FLNB: variants seen among roughly 807,000 people sequenced by gnomAD.
FLNB encodes the protein filamin B, also known as filamin-B.
Under a neutral mutation model 250.6 loss-of-function variants are expected in FLNB, and 111 were observed. The observed-to-expected ratio is 0.44, with a 90% CI of 0.38 to 0.52. The LOEUF (loss-of-function observed/expected upper bound fraction) is 0.52, where lower values mean the gene tolerates loss of function less well. FLNB is among the 20% of genes least tolerant of loss of function. The pLI, the probability that FLNB is intolerant of heterozygous loss-of-function variation, is 0.00. For synonymous variants in FLNB, 1,302 were observed against 1,372.1 expected (o/e 0.95, Z 1.13); for missense variants, 2,869 against 3,447.8 (o/e 0.83, Z 4.20).
rs2097352805 is a variant in FLNB, at chr3:58,156,015, C to T, written c.6828C>T (p.Tyr2276=). Residue 2276 remains tyrosine, a synonymous_variant, in exon 41 of 46, where the codon TAC becomes TAT. Coordinates refer to ENST00000295956, the MANE Select transcript of FLNB (RefSeq NM_001457.4). ...FNDEHIPESP[Y]LVPVIAPSDD... ...ATGAGCACATCCCGGAAAGCCCCTA[C>T]CTGGTGCCGGTCATCGCACCCTCCG... 1 of 1,614,164 alleles carries T rather than the reference C, an allele frequency of 6.2e-7. No homozygotes were observed. Among genetic ancestry groups the T allele is most frequent in the Non-Finnish European group, 8.5e-7 (1 of 1,180,016 alleles).
At chr3:58,121,696 C>G (rs1258294546) in intron 20 of FLNB, among the ~76,000 whole-genome samples, 193 bp downstream of exon 20, 1 of 152,188 alleles carries the variant, frequency 6.6e-6, no homozygotes, top group African/African-American at 2.4e-5. Context: ...GACTACAAGA[C>G]TTTGGTGAGG....
chr3:58,061,336 A>G (rs1462093197), intron 1 of FLNB, among the ~76,000 whole-genome samples: 1 of 152,164 alleles, frequency 6.6e-6, no homozygotes, highest in Non-Finnish European at 1.5e-5. Flanking sequence ...GTTAGTACCT[A>G]TAGATCCTGA....
chr3:58,112,210 G>A lies in FLNB; in HGVS notation c.2637G>A (p.Pro879=), dbSNP rs149334776. 48 of 1,613,922 alleles carry A rather than the reference G, an allele frequency of 3.0e-5. No homozygotes were observed. In the African/African-American group the frequency reaches 4.7e-4, roughly 16 times the overall value. ...TVYTKGAGKA[P]LNVQFNSPLP... ...ACACCAAGGGGGCTGGGAAAGCCCC[G>A]CTCAACGTGCAGTTCAACAGCCCTC... Residue 879 remains proline, a synonymous_variant, in exon 18 of 46, where the codon CCG becomes CCA. Transcript: ENST00000295956.
intron 35 of FLNB, 51 bp from the exon 36 acceptor site, chr3:58,148,598 T>C (rs1172471130): frequency 6.7e-7 from 1 of 1,498,674 alleles, no homozygotes; most frequent in East Asian, 2.3e-5. Context: ...GTCTCTCTCC[T>C]GCTTCCTCTC....
At chr3:58,017,245 T>C (rs1334540040) in intron 1 of FLNB, among the ~76,000 whole-genome samples, 2 of 152,140 alleles carry the variant, frequency 1.3e-5, no homozygotes, top group African/African-American at 4.8e-5. Flanking sequence ...TATTATTCTA[T>C]TCTATTTTTA....
intron 1 of FLNB, among the ~76,000 whole-genome samples, chr3:58,044,187 C>G (rs2097150178): frequency 6.6e-6 from 1 of 152,120 alleles, no homozygotes. Flanking sequence ...TAAGACAAAT[C>G]TGGGTGGGTG....
chr3:58,167,965 G>T (rs1232180407), intron 43 of FLNB, among the ~76,000 whole-genome samples: 1 of 152,230 alleles, frequency 6.6e-6, no homozygotes, highest in Non-Finnish European at 1.5e-5. Context: ...GCAGCACAGT[G>T]CCTGGGGTGA....
chr3:58,153,652 C>G lies in FLNB; in HGVS notation c.6634+11C>G, dbSNP rs374708033. ...AAGCGGGAGTCCCAGGTGAGCATTG[C>G]GGGCAGGATTTTCACTTGGGAAGAA... On this transcript the variant is annotated intron_variant, in intron 39 of 45. Transcript: ENST00000295956. 87 of 1,613,700 alleles carry G rather than the reference C, an allele frequency of 5.4e-5. No homozygotes were observed. The African/African-American group carries it at 1.0e-3, about 19-fold the overall frequency.
At chr3:58,039,152 T>C (rs1576620023) in intron 1 of FLNB, among the ~76,000 whole-genome samples, 1 of 145,700 alleles carries the variant, frequency 6.9e-6, no homozygotes, top group Non-Finnish European at 1.5e-5. Flanking sequence ...GTGCCAGGAG[T>C]TCAACACCAG....
intron 1 of FLNB, among the ~76,000 whole-genome samples, chr3:58,064,918 T>A (rs1479929546): frequency 4.6e-5 from 7 of 152,062 alleles, no homozygotes; most frequent in Admixed American, 4.6e-4. Context: ...CAGGTGTCTG[T>A]AGTCCCAGCT....
At chr3:58,150,940 A>C (rs1644324199) in intron 38 of FLNB, 1 of 153,522 alleles carries the variant, frequency 6.5e-6, no homozygotes, top group Admixed American at 6.4e-5. Flanking sequence ...GTCTTTCTAC[A>C]CTGCATCTCC....
In FLNB at chr3:58,109,677, G is replaced by A; in HGVS notation, c.2301G>A (p.Val767=). Residue 767 remains valine, a synonymous_variant, in exon 15 of 46, where the codon GTG becomes GTA. Transcript: ENST00000295956. ...LKANEPTHFT[V]DCTEAGEGDV... is the part of the protein sequence containing the mutation. ...CAAATGAACCTACACACTTCACGGT[G>A]GACTGTACTGAGGCTGGGGAAGGTG... 6.2e-7 allele frequency: 1 copy of A among 1,614,122 alleles called. No homozygotes were observed. The highest frequency in any genetic ancestry group is 1.3e-5 in the African/African-American group (1 of 75,038).
chr3:58,106,248 T>C (rs2097259344), intron 11 of FLNB, among the ~76,000 whole-genome samples: 1 of 151,904 alleles, frequency 6.6e-6, no homozygotes, highest in Admixed American at 6.6e-5. Flanking sequence ...GAGTGGGTGT[T>C]GGTTCAAGGC....
At chr3:58,122,125 C>G (rs1349887678) in intron 20 of FLNB, among the ~76,000 whole-genome samples, 1 of 132,820 alleles carries the variant, frequency 7.5e-6, no homozygotes, top group Non-Finnish European at 1.5e-5. Context: ...GCTGAGATCA[C>G]ACCACTGCAC....
intron 22 of FLNB, 96 bp downstream of exon 22, chr3:58,124,601 GCCTGT>G: frequency 1.5e-6 from 2 of 1,343,584 alleles, no homozygotes; most frequent in African/African-American, 2.9e-5. Context: ...CATGTGCTAG[GCCTGT>G]CTCAGCAGGG....
In FLNB at chr3:58,141,933, C is replaced by T. The variant is rs755886634; in HGVS notation, c.5181+4C>T. On this transcript the variant is annotated splice_donor_region_variant and intron_variant, in intron 30 of 45. Transcript: ENST00000295956. ...TCCCCCTGGATTCAGGCCCTGGGTA[C>T]AATTTTGGTTTTTTCCTTTTTGTGT... 6.2e-7 allele frequency: 1 copy of T among 1,613,762 alleles called. No homozygotes were observed. Among genetic ancestry groups the T allele is most frequent in the Non-Finnish European group, 8.5e-7 (1 of 1,179,690 alleles).
chr3:58,116,505 A>G (rs1281950187), intron 18 of FLNB, among the ~76,000 whole-genome samples: 1 of 151,904 alleles, frequency 6.6e-6, no homozygotes, highest in Non-Finnish European at 1.5e-5. Flanking sequence ...CAGGCCTGCC[A>G]CTCCACCTCG....
chr3:58,156,282 CAG>C (rs2097353264), intron 41 of FLNB, among the ~76,000 whole-genome samples: 1 of 152,226 alleles, frequency 6.6e-6, no homozygotes, highest in South Asian at 2.1e-4. Context: ...CGAGCAAAAA[CAG>C]AGCCACAGTC....
intron 21 of FLNB, 39 bp downstream of exon 21, chr3:58,123,729 C>T (rs765528250): frequency 7.5e-6 from 9 of 1,195,658 alleles, no homozygotes; most frequent in African/African-American, 5.0e-5. Flanking sequence ...AAAAAAAAGA[C>T]AAGCTGGGAC....
Sources: gnomAD v4.1 joint callset for allele counts (sites outside exome capture counted in the v4.1 genomes callset) on GRCh38, gnomAD v4.1.1 for gene constraint, MANE v1.5 for transcripts, NCBI Gene and HGNC (gene_info 2026-07-23, HGNC 2026-07-21) for gene names.